ROR1: variants seen among roughly 807,000 people sequenced by gnomAD.
ROR1 encodes the protein ROR family WNT receptor 1.
In ROR1, 19 loss-of-function variants were observed where a neutral mutation model predicts 78.8. The observed-to-expected ratio is 0.24, with a 90% CI of 0.17 to 0.35. The LOEUF (loss-of-function observed/expected upper bound fraction) is 0.35, where lower values mean the gene tolerates loss of function less well. Ranked by LOEUF, ROR1 falls within the 10% of genes least tolerant of loss-of-function variation. ROR1 has a pLI of 1.00. For missense variants in ROR1, 917 were observed against 1,177.8 expected, an observed-to-expected ratio of 0.78 and a Z score of 3.24; for synonymous variants, 386 against 433.6, an observed-to-expected ratio of 0.89 and a Z score of 1.36.
chr1:63,829,436 G>A (rs537713792), intron 1 of ROR1, among the ~76,000 whole-genome samples: 15 of 152,324 alleles, frequency 9.8e-5, no homozygotes, highest in African/African-American at 2.2e-4. Flanking sequence ...GCACCGTCAC[G>A]AGGGATTCCT....
At chr1:63,993,268 G>A (rs944036713) in intron 1 of ROR1, among the ~76,000 whole-genome samples, 10 of 152,226 alleles carry the variant, frequency 6.6e-5, no homozygotes, top group East Asian at 1.9e-4. Context: ...GTAAAACTCC[G>A]GGCATACCTC....
intron 1 of ROR1, among the ~76,000 whole-genome samples, chr1:63,988,399 A>G (rs1407861236): frequency 6.6e-6 from 1 of 152,198 alleles, no homozygotes; most frequent in African/African-American, 2.4e-5. Flanking sequence ...GGTATCTCTG[A>G]CATATGGACA....
At chr1:63,795,881 G>A (rs972671731) in intron 1 of ROR1, among the ~76,000 whole-genome samples, 1 of 152,162 alleles carries the variant, frequency 6.6e-6, no homozygotes, top group African/African-American at 2.4e-5. Flanking sequence ...TAGTATGTAA[G>A]TACAGAAGGT....
intron 1 of ROR1, among the ~76,000 whole-genome samples, chr1:63,913,932 G>A (rs1284911536): frequency 1.3e-5 from 2 of 152,138 alleles, no homozygotes; most frequent in African/African-American, 4.8e-5. Context: ...CTCCCGGGGA[G>A]CCTTCCCTAG....
chr1:63,790,324 GTGACTATCTAGGAATTTAAAAACGCGTC>G (rs1197342803), intron 1 of ROR1, among the ~76,000 whole-genome samples: 2 of 152,146 alleles, frequency 1.3e-5, no homozygotes, highest in Non-Finnish European at 2.9e-5. Flanking sequence ...TTACCTTGGT[GTGACTATCTAGGAATTTAAAAACGCGTC>G]TTCGAACAAC....
In ROR1 at chr1:63,774,708, C is replaced by T. The variant is rs1191627941; in HGVS notation, c.91+200C>T. Reference sequence around the variant, plus strand: ...GCCAGGCCAGGGTTTGCCCCGGAGCCCCGCGGCGGGCCGGGGCGCGCCCAG... The same window carrying T: ...GCCAGGCCAGGGTTTGCCCCGGAGCTCCGCGGCGGGCCGGGGCGCGCCCAG... On this transcript the variant is annotated intron_variant, in intron 1 of 8. Coordinates refer to ENST00000371079, the MANE Select transcript of ROR1 (RefSeq NM_005012.4). The surrounding 1 kb of genome is among the most constrained non-coding windows in gnomAD (Gnocchi z 5.7). Among the ~76,000 whole-genome samples, 1 of 151,326 alleles carries T rather than the reference C, an allele frequency of 6.6e-6. No individual in the cohort carries two copies. The highest frequency in any genetic ancestry group is 2.0e-4 in the East Asian group (1 of 5,104).
intron 5 of ROR1, 23 bp downstream of exon 5, chr1:64,137,519 T>C: frequency 1.2e-6 from 2 of 1,602,362 alleles, no homozygotes; most frequent in Non-Finnish European, 1.7e-6. Context: ...AATGAAATTA[T>C]ATTTGTCCCT....
chr1:64,172,986 C>T (rs1176991708), intron 8 of ROR1, among the ~76,000 whole-genome samples: 1 of 152,176 alleles, frequency 6.6e-6, no homozygotes, highest in Non-Finnish European at 1.5e-5. Context: ...CTGACTGCTT[C>T]TTTAAGGGTT....
intron 1 of ROR1, among the ~76,000 whole-genome samples, chr1:63,967,313 A>T (rs1359961568): frequency 6.6e-6 from 1 of 152,208 alleles, no homozygotes; most frequent in Non-Finnish European, 1.5e-5. Context: ...ACATTCCTGC[A>T]TACAAGGTGA....
chr1:63,894,899 A>G (rs1645427643), intron 1 of ROR1, among the ~76,000 whole-genome samples: 1 of 152,170 alleles, frequency 6.6e-6, no homozygotes, highest in Non-Finnish European at 1.5e-5. Flanking sequence ...TATTTTGCCA[A>G]GTAGACTAAA....
At chr1:63,807,476 T>A (rs1644837019) in intron 1 of ROR1, among the ~76,000 whole-genome samples, 1 of 152,194 alleles carries the variant, frequency 6.6e-6, no homozygotes, top group Non-Finnish European at 1.5e-5. Flanking sequence ...TTGCCCTGCC[T>A]TCACATACCC....
chr1:63,943,526 G>A (rs1208992507), intron 1 of ROR1, among the ~76,000 whole-genome samples: 1 of 152,146 alleles, frequency 6.6e-6, no homozygotes, highest in African/African-American at 2.4e-5. Context: ...CCTTCCTGGA[G>A]AGCCATTCTC....
chr1:64,038,080 G>A (rs1646717365), intron 2 of ROR1, among the ~76,000 whole-genome samples: 1 of 152,108 alleles, frequency 6.6e-6, no homozygotes, highest in Non-Finnish European at 1.5e-5. Context: ...TTGTATCACT[G>A]TTTTGCGAGG....
intron 2 of ROR1, among the ~76,000 whole-genome samples, chr1:64,014,090 A>G (rs926986135): frequency 1.3e-5 from 2 of 152,246 alleles, no homozygotes; most frequent in Non-Finnish European, 2.9e-5. Context: ...GGCCAGGTCC[A>G]AGGACCATGT....
At chr1:63,889,226 C>A (rs1346198942) in intron 1 of ROR1, among the ~76,000 whole-genome samples, 3 of 150,462 alleles carry the variant, frequency 2.0e-5, no homozygotes, top group African/African-American at 7.5e-5. Context: ...ACAGAAGTGA[C>A]ATGCCATCAC....
chr1:64,161,117 C>T (rs1373225243), intron 8 of ROR1, among the ~76,000 whole-genome samples: 1 of 152,116 alleles, frequency 6.6e-6, no homozygotes, highest in South Asian at 2.1e-4. Flanking sequence ...TACAAACTGT[C>T]AAGAACAATA....
intron 4 of ROR1, among the ~76,000 whole-genome samples, chr1:64,086,747 A>T (rs1307725836): frequency 6.6e-6 from 1 of 152,136 alleles, no homozygotes; most frequent in Non-Finnish European, 1.5e-5. Flanking sequence ...CCTGTAGAAC[A>T]TCTTTATTAC....
chr1:64,145,757 G>C (rs1033195634), intron 7 of ROR1, among the ~76,000 whole-genome samples: 1 of 152,172 alleles, frequency 6.6e-6, no homozygotes, highest in Non-Finnish European at 1.5e-5. Context: ...GTCTGCAAGA[G>C]AGTCCAGGAT....
chr1:64,176,770 T>C (rs1650392606), intron 8 of ROR1, among the ~76,000 whole-genome samples: 1 of 152,240 alleles, frequency 6.6e-6, no homozygotes, highest in African/African-American at 2.4e-5. Context: ...CCCATCTCTA[T>C]TGTGAGTACT....
Sources: allele counts gnomAD v4.1 joint callset (sites outside exome capture counted in the v4.1 genomes callset), GRCh38; gene constraint gnomAD v4.1.1; non-coding constraint Gnocchi (gnomAD v3.1); transcripts MANE v1.5; gene names NCBI Gene and HGNC (gene_info 2026-07-23, HGNC 2026-07-21).